Variants in FN3KRP observed in about 807,000 individuals in gnomAD.
The protein encoded by FN3KRP is ketosamine-3-kinase.
Under a neutral mutation model 29.8 loss-of-function variants are expected in FN3KRP, and 33 were observed. The observed-to-expected ratio is 1.11, with a 90% CI of 0.84 to 1.48. The LOEUF is 1.48. FN3KRP is among the 40% of genes most tolerant of loss of function. The pLI, the probability that FN3KRP is intolerant of heterozygous loss-of-function variation, is 0.00. For missense variants in FN3KRP, 430 were observed against 402.6 expected, an observed-to-expected ratio of 1.07 and a Z score of -0.58; for synonymous variants, 157 against 155.2, an observed-to-expected ratio of 1.01 and a Z score of -0.09.
chr17:82,726,090 G>C (rs939857923), intron 4 of FN3KRP, among the ~76,000 whole-genome samples: 9 of 152,114 alleles, frequency 5.9e-5, no homozygotes, highest in African/African-American at 2.2e-4. Context: ...TGAGGCAGGA[G>C]AATTGCTTGA....
At chr17:82,725,095 GC>G (rs1598335556) in intron 4 of FN3KRP, among the ~76,000 whole-genome samples, 2 of 151,886 alleles carry the variant, frequency 1.3e-5, no homozygotes, top group East Asian at 3.9e-4. Context: ...ACAGGCATGA[GC>G]CACCGTGCCT....
chr17:82,716,965 G>C (rs1199634733), intron 1 of FN3KRP, 69 bp downstream of exon 1: 1 of 1,430,320 alleles, frequency 7.0e-7, no homozygotes, highest in African/African-American at 2.3e-5. Flanking sequence ...CCTCGGCGCG[G>C]GGCGCGGCCT....
intron 1 of FN3KRP, 100 bp downstream of exon 1, chr17:82,716,996 C>A: frequency 7.1e-7 from 1 of 1,406,002 alleles, no homozygotes; most frequent in Non-Finnish European, 9.5e-7. Context: ...CGCCGGAGGC[C>A]GTGGGTGGCT....
chr17:82,717,736 GTTCC>G (rs1442232368), intron 1 of FN3KRP, among the ~76,000 whole-genome samples: 1 of 152,262 alleles, frequency 6.6e-6, no homozygotes, highest in East Asian at 1.9e-4. Flanking sequence ...AAAAAAGAGT[GTTCC>G]TAGCAGCGGT....
chr17:82,720,425 C>A, intron 3 of FN3KRP, 62 bp downstream of exon 3: 1 of 1,390,684 alleles, frequency 7.2e-7, no homozygotes, highest in Non-Finnish European at 1.0e-6. Flanking sequence ...CCGGTGTGGG[C>A]TCAGAGCGGG....
intron 4 of FN3KRP, 129 bp downstream of exon 4, chr17:82,723,015 G>A (rs183853812): frequency 2.4e-6 from 2 of 816,616 alleles, no homozygotes; most frequent in South Asian, 1.9e-5. Context: ...TTTCTTTGCT[G>A]ATGTTTGAGA....
chr17:82,723,406 G>C lies in FN3KRP; in HGVS notation c.468+520G>C, dbSNP rs2046812136. 2.0e-5 allele frequency among the ~76,000 whole-genome samples: 3 copies of C among 152,194 alleles called. No individual in the cohort carries two copies. The South Asian group carries it at 6.2e-4, about 32-fold the overall frequency. ...AAGTTTGTTCAGAAACCTGCTTAGG[G>C]GCGGGGAGTGGTGCCCTCTGGTCCT... On this transcript the variant is annotated intron_variant, in intron 4 of 5. Coordinates refer to ENST00000269373, the MANE Select transcript of FN3KRP (RefSeq NM_024619.4).
rs1568060817 is a variant in FN3KRP at position 82,722,816 on chromosome 17, G to T, written c.398G>T (p.Gly133Val). The T allele has an allele frequency of 6.2e-7, 1 of 1,613,976 alleles. No individual in the cohort carries two copies. The highest frequency in any genetic ancestry group is 1.7e-4 in the Middle Eastern group (1 of 5,932). ...KEAGTVGRGG[G>V]QEERPFVARF... ...TTTTGCTTGCAAGGGAGAGGAGGTG[G>T]GCAGGAGGAACGGCCCTTTGTGGCC... is the stretch of plus-strand genomic sequence containing the variant. The change falls in exon 4 of 6, where the codon GGG becomes GTG. Residue 133 changes from glycine (G) to valine (V), a missense_variant. Coordinates refer to ENST00000269373, the MANE Select transcript of FN3KRP (RefSeq NM_024619.4).
intron 3 of FN3KRP, among the ~76,000 whole-genome samples, chr17:82,721,825 T>C (rs548513596): frequency 6.7e-6 from 1 of 150,288 alleles, no homozygotes; most frequent in East Asian, 2.0e-4. Context: ...TTATGTTTTT[T>C]ATGTTTTGTT....
At position 82,716,738 on chromosome 17, in the gene FN3KRP, C is replaced by G; in HGVS notation, c.-18C>G. On this transcript the variant is annotated 5_prime_UTR_variant, in exon 1 of 6. Coordinates refer to ENST00000269373, the MANE Select transcript of FN3KRP (RefSeq NM_024619.4). The stretch of plus-strand genomic sequence containing the variant: ...GTCTCCGCCAGATCCGGGGCGGGTC[C>G]GCGGCCGCGGCGGGAACATGGAGGA... 1 of 1,482,796 alleles carries G rather than the reference C, an allele frequency of 6.7e-7. No individual in the cohort carries two copies. Among genetic ancestry groups the G allele is most frequent in the East Asian group, 2.8e-5 (1 of 35,612 alleles). The allele number at this position is 1,482,796 out of a possible 1,614,324, so 91.9% of individuals were successfully genotyped here.
chr17:82,726,636 C>CCA (rs778232755), intron 5 of FN3KRP, 34 bp downstream of exon 5: 1 of 1,590,568 alleles, frequency 6.3e-7, no homozygotes, highest in Non-Finnish European at 8.6e-7. Context: ...CCAGCACCTG[C>CCA]CACACACCCC....
intron 4 of FN3KRP, among the ~76,000 whole-genome samples, chr17:82,725,420 C>T (rs1463818798): frequency 6.6e-6 from 1 of 152,088 alleles, no homozygotes; most frequent in Non-Finnish European, 1.5e-5. Flanking sequence ...ATATTGCTCA[C>T]CACTCCCAGC....
chr17:82,727,454 A>C lies in FN3KRP; in HGVS notation c.*283A>C, dbSNP rs1598336798. 4 of 327,956 alleles carry C rather than the reference A, an allele frequency of 1.2e-5. No individual in the cohort carries two copies. The East Asian group carries it at 2.1e-4, about 17-fold the overall frequency. 20.3% of individuals were successfully genotyped at this position (327,956 alleles called of 1,614,324 possible). A position where few individuals can be genotyped will look rare whatever the true frequency, so the allele number is the denominator to read the frequency against. On this transcript the variant is annotated 3_prime_UTR_variant, in exon 6 of 6. Coordinates refer to ENST00000269373, the MANE Select transcript of FN3KRP (RefSeq NM_024619.4). ...CCTCACTGCTGCTGCAAGGTGGGGA[A>C]ACTGTAAGTGAACCCCTGTGGGTGC...
rs960065641 is a variant in FN3KRP at position 82,727,515 on chromosome 17, C to T, written c.*344C>T. On this transcript the variant is annotated 3_prime_UTR_variant, in exon 6 of 6. Coordinates refer to ENST00000269373, the MANE Select transcript of FN3KRP (RefSeq NM_024619.4). ...ATCCGGTGCGCAGGGAGGTGGCCAG[C>T]GCCCCCGGGCACTGCTGCTCATAGG... The T allele has an allele frequency of 6.9e-5, 15 of 217,776 alleles. No individual in the cohort carries two copies. The highest frequency in any genetic ancestry group is 2.3e-4 in the African/African-American group (10 of 43,986). The allele number at this position is 217,776 out of a possible 1,614,324, so 13.5% of individuals were successfully genotyped here.
chr17:82,722,706 G>C (rs2046806518), intron 3 of FN3KRP, 98 bp from the exon 4 acceptor site: 1 of 1,156,132 alleles, frequency 8.6e-7, no homozygotes, highest in South Asian at 1.4e-5. Context: ...TAAGCTGGTA[G>C]GAGCTCGCTG....
chr17:82,725,319 C>T (rs2046829395), intron 4 of FN3KRP, among the ~76,000 whole-genome samples: 1 of 151,608 alleles, frequency 6.6e-6, no homozygotes, highest in Admixed American at 6.6e-5. Flanking sequence ...TTTGTAGAGA[C>T]AGGGGTCTCA....
At chr17:82,719,806 C>T (rs1378554274) in intron 2 of FN3KRP, among the ~76,000 whole-genome samples, 4 of 151,874 alleles carry the variant, frequency 2.6e-5, no homozygotes, top group African/African-American at 7.3e-5. Flanking sequence ...TGGGAAAGAT[C>T]GTCAAATAAT....
intron 4 of FN3KRP, among the ~76,000 whole-genome samples, chr17:82,725,493 A>G (rs1243404187): frequency 6.6e-6 from 1 of 151,980 alleles, no homozygotes; most frequent in African/African-American, 2.4e-5. Context: ...GCTGTCACCC[A>G]GGCTAGAGTG....
At chr17:82,725,607 G>A (rs539363337) in intron 4 of FN3KRP, among the ~76,000 whole-genome samples, 7 of 151,808 alleles carry the variant, frequency 4.6e-5, no homozygotes, top group African/African-American at 9.7e-5. Context: ...CCACCACCAC[G>A]TCCGGCTAAT....
Sources: gnomAD v4.1 joint callset for allele counts (sites outside exome capture counted in the v4.1 genomes callset) on GRCh38, gnomAD v4.1.1 for gene constraint, MANE v1.5 for transcripts, NCBI Gene and HGNC (gene_info 2026-07-23, HGNC 2026-07-21) for gene names.